Variants in EYA2 observed in about 807,000 individuals in gnomAD.
The protein encoded by EYA2 is EYA transcriptional coactivator and phosphatase 2.
Under a neutral mutation model 69.2 loss-of-function variants are expected in EYA2, and 31 were observed. The ratio of observed to expected loss-of-function variants is 0.45; its 90% CI spans 0.34 to 0.60. The LOEUF (loss-of-function observed/expected upper bound fraction) is 0.60. Ranked by LOEUF, EYA2 falls within the 20% of genes least tolerant of loss-of-function variation. EYA2 has a pLI of 0.02. For missense variants in EYA2, 622 were observed against 701.2 expected (o/e 0.89, Z 1.28); for synonymous variants, 257 against 279.4 (o/e 0.92, Z 0.80).
intron 1 of EYA2, among the ~76,000 whole-genome samples, chr20:46,929,521 C>T (rs189953162): frequency 5.9e-5 from 9 of 152,112 alleles, no homozygotes; most frequent in African/African-American, 2.2e-4. Flanking sequence ...GCCTCTGGCA[C>T]TATGAGGAGG....
intron 9 of EYA2, among the ~76,000 whole-genome samples, chr20:47,101,403 AG>A (rs2032419531): frequency 6.6e-6 from 1 of 152,196 alleles, no homozygotes; most frequent in African/African-American, 2.4e-5. Flanking sequence ...ACTTTTTTAA[AG>A]GCCAGACTCA....
chr20:47,110,415 A>G (rs1267944365), intron 9 of EYA2, among the ~76,000 whole-genome samples: 3 of 132,730 alleles, frequency 2.3e-5, no homozygotes, highest in African/African-American at 9.7e-5. Flanking sequence ...CTAATTTTTT[A>G]TGTTTTTTTG....
intron 1 of EYA2, among the ~76,000 whole-genome samples, chr20:46,950,275 C>T (rs1316144563): frequency 1.3e-5 from 2 of 152,240 alleles, no homozygotes; most frequent in African/African-American, 4.8e-5. Flanking sequence ...TGCAGGGGGA[C>T]CTTGCAGCGA....
rs190265219 is a variant in EYA2 at position 47,127,532 on chromosome 20, A to G, written c.889-15527A>G. On this transcript the variant is annotated intron_variant, in intron 9 of 15. Coordinates refer to ENST00000327619, the MANE Select transcript of EYA2 (RefSeq NM_005244.5). ...GGCAGGAGAATCACTTGAACCCGGG[A>G]AGCAGAGGTTACAGTGAGCCAAGAT... is the stretch of plus-strand genomic sequence containing the variant. 3.4e-4 allele frequency among the ~76,000 whole-genome samples: 52 copies of G among 152,342 alleles called. No homozygotes were observed. The East Asian group carries it at 9.2e-3, about 27-fold the overall frequency.
intron 9 of EYA2, among the ~76,000 whole-genome samples, chr20:47,134,903 G>A (rs1033897432): frequency 6.6e-5 from 10 of 151,926 alleles, no homozygotes; most frequent in South Asian, 2.1e-4. Context: ...TGAGGCGGGC[G>A]GATCATGAGG....
intron 1 of EYA2, among the ~76,000 whole-genome samples, chr20:46,939,413 CAA>C (rs1022649454): frequency 2.0e-5 from 3 of 151,960 alleles, no homozygotes; most frequent in Non-Finnish European, 4.4e-5. Context: ...GGAGGGGAGA[CAA>C]AGAGAGATAA....
chr20:47,138,982 AC>A lies in EYA2; in HGVS notation c.889-4076del, dbSNP rs1319858489. Among the ~76,000 whole-genome samples, 5 of 151,782 alleles carry A rather than the reference AC, an allele frequency of 3.3e-5. No homozygotes were observed. In the East Asian group the frequency reaches 6.0e-4, roughly 18 times the overall value. ...ACATAGTACATAATGCAATCAGAAA[AC>A]TTTTTTTCACTCCAGTGTATTTTTT... On this transcript the variant is annotated intron_variant, in intron 9 of 15. Coordinates refer to ENST00000327619, the MANE Select transcript of EYA2 (RefSeq NM_005244.5).
At chr20:46,906,913 T>C (rs925053771) in intron 1 of EYA2, among the ~76,000 whole-genome samples, 2 of 152,234 alleles carry the variant, frequency 1.3e-5, no homozygotes, top group African/African-American at 4.8e-5. Context: ...ATCTCAGTTA[T>C]AATTTTTCAG....
At chr20:46,969,906 G>A (rs1980036829) in intron 1 of EYA2, among the ~76,000 whole-genome samples, 3 of 152,122 alleles carry the variant, frequency 2.0e-5, no homozygotes, top group African/African-American at 7.2e-5. Context: ...AATGTAAGGG[G>A]GTGAAGGGGC....
chr20:46,930,406 C>T (rs1010185690), intron 1 of EYA2, among the ~76,000 whole-genome samples: 5 of 152,164 alleles, frequency 3.3e-5, no homozygotes, highest in Admixed American at 6.5e-5. Flanking sequence ...GGTGAAGTTA[C>T]TTACTTTGCT....
intron 5 of EYA2, among the ~76,000 whole-genome samples, chr20:47,028,522 C>T (rs970075433): frequency 3.3e-5 from 5 of 152,304 alleles, no homozygotes; most frequent in Non-Finnish European, 7.3e-5. Flanking sequence ...TTCATATAGC[C>T]GTCATCCCAG....
chr20:47,087,534 G>T (rs553388661), intron 7 of EYA2, among the ~76,000 whole-genome samples: 9 of 152,218 alleles, frequency 5.9e-5, no homozygotes, highest in African/African-American at 1.4e-4. Context: ...GAGTTACCTC[G>T]TTAGCTAAAT....
At chr20:47,118,868 G>A (rs762881911) in intron 9 of EYA2, among the ~76,000 whole-genome samples, 4 of 152,044 alleles carry the variant, frequency 2.6e-5, no homozygotes, top group East Asian at 1.9e-4. Context: ...AACTTCCCCC[G>A]CTTTCTTGCC....
chr20:46,896,126 G>T (rs550478612), intron 1 of EYA2, among the ~76,000 whole-genome samples: 1 of 152,294 alleles, frequency 6.6e-6, no homozygotes, highest in East Asian at 1.9e-4. Flanking sequence ...CTGAACATTG[G>T]AATCTAGCTG....
At chr20:47,087,244 A>G (rs1249640290) in intron 7 of EYA2, among the ~76,000 whole-genome samples, 2 of 152,222 alleles carry the variant, frequency 1.3e-5, no homozygotes, top group Admixed American at 1.3e-4. Flanking sequence ...CTTTCAGTGT[A>G]GAAAAAAACT....
At chr20:47,009,820 A>G (rs947397205) in intron 4 of EYA2, among the ~76,000 whole-genome samples, 6 of 152,232 alleles carry the variant, frequency 3.9e-5, no homozygotes, top group East Asian at 1.9e-4. Context: ...CATTTGGCCT[A>G]TGGGCTGGAG....
chr20:46,959,116 A>G (rs1347849735), intron 1 of EYA2, among the ~76,000 whole-genome samples: 1 of 152,232 alleles, frequency 6.6e-6, no homozygotes, highest in African/African-American at 2.4e-5. Context: ...AGGAATCGCC[A>G]CACTGTCTGA....
intron 5 of EYA2, among the ~76,000 whole-genome samples, chr20:47,063,945 G>A (rs1236436926): frequency 3.3e-5 from 5 of 152,086 alleles, no homozygotes; most frequent in Admixed American, 2.0e-4. Flanking sequence ...GAACCTGGGC[G>A]ACTAATAGTC....
chr20:47,176,500 A>G (rs1380363268), intron 12 of EYA2, among the ~76,000 whole-genome samples: 2 of 152,196 alleles, frequency 1.3e-5, no homozygotes, highest in Admixed American at 6.5e-5. Flanking sequence ...CCCAGAGTCC[A>G]TCTCTCAGGA....
Sources: gnomAD v4.1 joint callset for allele counts (sites outside exome capture counted in the v4.1 genomes callset) on GRCh38, gnomAD v4.1.1 for gene constraint, MANE v1.5 for transcripts, NCBI Gene and HGNC (gene_info 2026-07-23, HGNC 2026-07-21) for gene names.